Variants in CPM observed in about 807,000 individuals in gnomAD.
The protein encoded by CPM is renal carboxypeptidase.
In CPM, 35 loss-of-function variants were observed where a neutral mutation model predicts 46.4. The ratio of observed to expected loss-of-function variants is 0.75; its 90% CI spans 0.58 to 1.00. The LOEUF is 1.00. CPM is among the 50% of genes least tolerant of loss of function. The pLI is 0.00. For missense variants in CPM, 422 were observed against 530.4 expected, an observed-to-expected ratio of 0.80 and a Z score of 2.01; for synonymous variants, 195 against 195.3, an observed-to-expected ratio of 1.00 and a Z score of 0.01.
At chr12:68,861,300 T>C (rs1202128966) in intron 7 of CPM, among the ~76,000 whole-genome samples, 1 of 152,166 alleles carries the variant, frequency 6.6e-6, no homozygotes, top group African/African-American at 2.4e-5. Flanking sequence ...AGCAGGAATA[T>C]GTGAGGGAAG....
chr12:68,860,672 G>A (rs1164478469), intron 7 of CPM, among the ~76,000 whole-genome samples: 1 of 152,060 alleles, frequency 6.6e-6, no homozygotes. Flanking sequence ...AATATAGCGT[G>A]TACCCATCAT....
rs1000276127 is a variant in CPM, at chr12:68,906,899, C to T, written c.161-21010G>A. ...TGTATAAATGTAAATCATTCATTAT[C>T]AGGACTGCATAGTATTCCGTCAGGG... On this transcript the variant is annotated intron_variant, in intron 2 of 8. Coordinates refer to ENST00000551568, the MANE Select transcript of CPM (RefSeq NM_198320.5). Among the ~76,000 whole-genome samples the T allele has an allele frequency of 1.6e-4, 25 of 152,242 alleles. 1 individual carries two copies. The highest frequency in any genetic ancestry group is 5.8e-4 in the African/African-American group (24 of 41,462).
chr12:68,939,633 A>G (rs1185007895), intron 1 of CPM, among the ~76,000 whole-genome samples: 1 of 152,110 alleles, frequency 6.6e-6, no homozygotes, highest in Non-Finnish European at 1.5e-5. Flanking sequence ...CAAATCTGTA[A>G]TAACGAGTCA....
At chr12:68,927,509 G>T (rs1473296352) in intron 2 of CPM, among the ~76,000 whole-genome samples, 55 of 151,996 alleles carry the variant, frequency 3.6e-4, no homozygotes, top group East Asian at 2.7e-3. Flanking sequence ...TCCCATTTTG[G>T]AGGTTGCCTG....
chr12:68,903,032 T>C (rs1235855158), intron 2 of CPM, among the ~76,000 whole-genome samples: 1 of 152,234 alleles, frequency 6.6e-6, no homozygotes, highest in Non-Finnish European at 1.5e-5. Context: ...TTTCTGGAAG[T>C]TGTAAGTTTA....
intron 2 of CPM, among the ~76,000 whole-genome samples, chr12:68,897,724 G>A (rs61926283): frequency 0.084 from 11,174 of 133,402 alleles, 596 homozygotes; most frequent in East Asian, 0.16. Flanking sequence ...GTGACAGAGC[G>A]AGACTCCGTT....
At chr12:68,952,111 T>C (rs1380472540) in intron 1 of CPM, among the ~76,000 whole-genome samples, 1 of 152,230 alleles carries the variant, frequency 6.6e-6, no homozygotes, top group Non-Finnish European at 1.5e-5. Context: ...ATAATAAGGG[T>C]ATATCCTCTT....
At chr12:68,908,320 G>A (rs1163450156) in intron 2 of CPM, among the ~76,000 whole-genome samples, 1 of 151,814 alleles carries the variant, frequency 6.6e-6, no homozygotes, top group African/African-American at 2.4e-5. Flanking sequence ...AGGATACAAG[G>A]CCAACCCGGG....
At chr12:68,962,163 G>A (rs1179729859) in intron 1 of CPM, among the ~76,000 whole-genome samples, 1 of 146,612 alleles carries the variant, frequency 6.8e-6, no homozygotes, top group Non-Finnish European at 1.5e-5. Flanking sequence ...TAGCGCCACT[G>A]CACTCCAGCC....
chr12:68,928,978 G>C (rs1198132811), intron 2 of CPM, among the ~76,000 whole-genome samples: 1 of 151,356 alleles, frequency 6.6e-6, no homozygotes, highest in Non-Finnish European at 1.5e-5. Context: ...GAAGTGCTGG[G>C]ATTATAGACG....
At chr12:68,930,093 A>G (rs1244094424) in intron 2 of CPM, among the ~76,000 whole-genome samples, 1 of 152,006 alleles carries the variant, frequency 6.6e-6, no homozygotes, top group Non-Finnish European at 1.5e-5. Flanking sequence ...ATTTTCTTTT[A>G]TTTTGAGATA....
intron 3 of CPM, among the ~76,000 whole-genome samples, chr12:68,877,016 G>A (rs997913415): frequency 3.9e-5 from 6 of 152,160 alleles, no homozygotes; most frequent in East Asian, 1.9e-4. Context: ...GAAAGTCATC[G>A]GGCTGTGGGG....
chr12:68,869,078 C>A (rs755818290), intron 6 of CPM, among the ~76,000 whole-genome samples: 1 of 152,190 alleles, frequency 6.6e-6, no homozygotes, highest in Non-Finnish European at 1.5e-5. Flanking sequence ...CAGTTCCTGG[C>A]TCACAGTAGG....
intron 2 of CPM, among the ~76,000 whole-genome samples, chr12:68,892,686 C>A (rs1323162259): frequency 6.6e-6 from 1 of 151,988 alleles, no homozygotes; most frequent in Non-Finnish European, 1.5e-5. Flanking sequence ...ATCGCGAAAC[C>A]CTGTCTCTAC....
At chr12:68,881,131 T>G (rs1886171615) in intron 3 of CPM, among the ~76,000 whole-genome samples, 1 of 152,226 alleles carries the variant, frequency 6.6e-6, no homozygotes, top group African/African-American at 2.4e-5. Flanking sequence ...CCAGGTGAAT[T>G]AGCCTGAACC....
chr12:68,859,553 T>C (rs1213081706), intron 7 of CPM, among the ~76,000 whole-genome samples: 3 of 152,240 alleles, frequency 2.0e-5, no homozygotes, highest in African/African-American at 7.2e-5. Context: ...CTTGGAAGCA[T>C]GGAATCGATT....
rs1376659649 is a variant in CPM, at chr12:68,856,560, G to C, written c.1209C>G (p.Ile403Met). Residue 403 changes from isoleucine (I) to methionine (M), a missense_variant, in exon 9 of 9, where the codon ATC (isoleucine) becomes ATG (methionine). By Grantham distance (10) the Ile-to-Met change is conservative. Coordinates refer to ENST00000551568, the MANE Select transcript of CPM (RefSeq NM_198320.5). ...TTGGGCATGAAGGATTTGATACTGG[G>C]ATAGAATCCAATTGCCCTTGGAATG... is the stretch of plus-strand genomic sequence containing the variant. ...LLPFQGQLDSIPVSNPSCPMI... is the reference protein window; with the variant it reads ...LLPFQGQLDSMPVSNPSCPMI... 6 of 1,614,230 alleles carry C rather than the reference G, an allele frequency of 3.7e-6. No individual in the cohort carries two copies. The South Asian group carries it at 6.6e-5, about 18-fold the overall frequency.
chr12:68,959,900 T>C (rs567683125), intron 1 of CPM, among the ~76,000 whole-genome samples: 15 of 152,356 alleles, frequency 9.8e-5, no homozygotes, highest in Admixed American at 5.2e-4. Flanking sequence ...TTTACTTCTC[T>C]ACTTTACAAG....
At chr12:68,892,531 C>T (rs984748773) in intron 2 of CPM, among the ~76,000 whole-genome samples, 1 of 152,116 alleles carries the variant, frequency 6.6e-6, no homozygotes, top group Non-Finnish European at 1.5e-5. Flanking sequence ...TCCCTGCACT[C>T]AGTTTGAATG....
Sources: gnomAD v4.1 joint callset for allele counts (sites outside exome capture counted in the v4.1 genomes callset) on GRCh38, gnomAD v4.1.1 for gene constraint, MANE v1.5 for transcripts, NCBI Gene and HGNC (gene_info 2026-07-23, HGNC 2026-07-21) for gene names.